TBCK: variants seen among roughly 807,000 people sequenced by gnomAD.
TBCK encodes TBC1 domain containing kinase, also known as TBC domain-containing protein kinase-like protein.
TBCK carries 99 observed loss-of-function variants against 113.4 expected under a neutral mutation model. That is an observed-to-expected ratio of 0.87 (90% CI 0.74 to 1.03). The LOEUF is 1.03. Ranked by LOEUF, TBCK falls within the 50% of genes least tolerant of loss-of-function variation. The pLI, the probability that TBCK is intolerant of heterozygous loss-of-function variation, is 0.00. For synonymous variants in TBCK, 369 were observed against 370.8 expected (o/e 1.00, Z 0.05); for missense variants, 1,045 against 1,061.3 (o/e 0.98, Z 0.21).
chr4:106,046,714 T>C, intron 25 of TBCK, 34 bp from the exon 26 acceptor site: 1 of 1,136,956 alleles, frequency 8.8e-7, no homozygotes, highest in Non-Finnish European at 1.3e-6. Context: ...TTTTAGAGGA[T>C]ATACAGAAGA....
chr4:106,208,460 A>T (rs1168045480), intron 20 of TBCK, among the ~76,000 whole-genome samples: 1 of 149,058 alleles, frequency 6.7e-6, no homozygotes, highest in Non-Finnish European at 1.5e-5. Context: ...CAATTAGCAC[A>T]TACACTCCCA....
At chr4:106,241,139 C>CATACTTACATATATATATATATTCTAT (rs1760072558) in intron 12 of TBCK, among the ~76,000 whole-genome samples, 3 of 151,672 alleles carry the variant, frequency 2.0e-5, no homozygotes, top group Non-Finnish European at 4.4e-5. Context: ...AAATCATACT[C>CATACTTACATATATATATATATTCTAT]ATACTTACAT....
At chr4:106,220,633 G>GT (rs1480385477) in intron 19 of TBCK, among the ~76,000 whole-genome samples, 1 of 151,844 alleles carries the variant, frequency 6.6e-6, no homozygotes, top group Non-Finnish European at 1.5e-5. Flanking sequence ...AGATACTCAA[G>GT]TAATACTTTT....
At chr4:106,298,541 C>T (rs1308991776) in intron 2 of TBCK, among the ~76,000 whole-genome samples, 1 of 151,902 alleles carries the variant, frequency 6.6e-6, no homozygotes, top group Non-Finnish European at 1.5e-5. Flanking sequence ...ACCCGGGAGG[C>T]AGAGCTTGTA....
intron 19 of TBCK, among the ~76,000 whole-genome samples, chr4:106,224,245 G>T (rs963235871): frequency 1.3e-5 from 2 of 151,574 alleles, no homozygotes; most frequent in African/African-American, 4.8e-5. Context: ...TCTCATGAGT[G>T]TATATATATT....
intron 19 of TBCK, among the ~76,000 whole-genome samples, chr4:106,226,928 A>G (rs997008701): frequency 2.6e-5 from 4 of 152,112 alleles, no homozygotes; most frequent in African/African-American, 9.7e-5. Flanking sequence ...TTACTTCATA[A>G]ATTTTGAAGA....
chr4:106,157,676 G>A (rs1433479019), intron 23 of TBCK, among the ~76,000 whole-genome samples: 1 of 152,140 alleles, frequency 6.6e-6, no homozygotes, highest in Non-Finnish European at 1.5e-5. Context: ...GGGTGGGCAA[G>A]GGGTGGTATT....
In TBCK at chr4:106,230,429, T is replaced by G; in HGVS notation, c.1708A>C (p.Met570Leu). The G allele has an allele frequency of 6.2e-7, 1 of 1,602,716 alleles. No homozygotes were observed. Among genetic ancestry groups the G allele is most frequent in the Non-Finnish European group, 8.5e-7 (1 of 1,172,352 alleles). The stretch of plus-strand genomic sequence containing the variant: ...AGGTATTTGGGAATAAAAGCAGACA[T>G]ACATGCATAAGCCAAGGCTAAAAGA... Reference protein sequence around the residue: ...FNNEALAYACMSAFIPKYLYN... With the variant: ...FNNEALAYACLSAFIPKYLYN... The change falls in exon 19 of 26, where the codon ATG becomes CTG. Residue 570 changes from methionine (M) to leucine (L), a missense_variant. Physicochemically the swap from Met to Leu is conservative, Grantham distance 15. Transcript: ENST00000394708.
At chr4:106,278,897 AAAGAT>A (rs1336343831) in intron 3 of TBCK, among the ~76,000 whole-genome samples, 1 of 152,008 alleles carries the variant, frequency 6.6e-6, no homozygotes, top group Non-Finnish European at 1.5e-5. Flanking sequence ...GCTAAGAAGA[AAAGAT>A]AAAAGACAAA....
intron 23 of TBCK, among the ~76,000 whole-genome samples, chr4:106,117,113 A>G (rs551038596): frequency 4.5e-4 from 68 of 152,200 alleles, no homozygotes; most frequent in Admixed American, 2.7e-3. Context: ...CACTTATAGG[A>G]AAGCATTATT....
chr4:106,157,503 C>A (rs1749266041), intron 23 of TBCK, among the ~76,000 whole-genome samples: 1 of 152,122 alleles, frequency 6.6e-6, no homozygotes, highest in Non-Finnish European at 1.5e-5. Context: ...ATAAGGCTTG[C>A]CAGAACTGAA....
At chr4:106,241,438 T>C (rs1579364192) in intron 12 of TBCK, among the ~76,000 whole-genome samples, 1 of 152,044 alleles carries the variant, frequency 6.6e-6, no homozygotes, top group South Asian at 2.1e-4. Flanking sequence ...AAAGAGTTCC[T>C]ACTCCATTTT....
intron 22 of TBCK, among the ~76,000 whole-genome samples, chr4:106,172,790 T>C (rs1272253750): frequency 6.6e-6 from 1 of 152,114 alleles, no homozygotes; most frequent in Non-Finnish European, 1.5e-5. Flanking sequence ...ACAGGTATTG[T>C]ATACTTTCAC....
At chr4:106,166,147 TCTG>T (rs1750346633) in intron 23 of TBCK, among the ~76,000 whole-genome samples, 1 of 151,748 alleles carries the variant, frequency 6.6e-6, no homozygotes, top group Non-Finnish European at 1.5e-5. Context: ...TATTTTTGTA[TCTG>T]CTTTCTATTA....
At chr4:106,068,743 G>A (rs1284831595) in intron 25 of TBCK, among the ~76,000 whole-genome samples, 1 of 152,114 alleles carries the variant, frequency 6.6e-6, no homozygotes, top group East Asian at 1.9e-4. Context: ...CACAATGGTT[G>A]AACTAGTTTA....
intron 23 of TBCK, among the ~76,000 whole-genome samples, chr4:106,167,094 G>A (rs185856304): frequency 6.7e-6 from 1 of 148,178 alleles, no homozygotes; most frequent in Non-Finnish European, 1.5e-5. Context: ...ATAGGGGTGT[G>A]TGTGTGTGTA....
At chr4:106,218,012 A>T (rs1001746947) in intron 19 of TBCK, among the ~76,000 whole-genome samples, 5 of 144,692 alleles carry the variant, frequency 3.5e-5, no homozygotes, top group African/African-American at 1.3e-4. Context: ...TACTGGTACC[A>T]AAACAGAGAT....
At chr4:106,156,984 G>C (rs1268393709) in intron 23 of TBCK, among the ~76,000 whole-genome samples, 4 of 152,160 alleles carry the variant, frequency 2.6e-5, no homozygotes, top group Non-Finnish European at 5.9e-5. Flanking sequence ...CCTGAAGCCA[G>C]CAAGTCTCAG....
chr4:106,167,210 AT>A (rs1011830778), intron 23 of TBCK, among the ~76,000 whole-genome samples: 2 of 147,418 alleles, frequency 1.4e-5, no homozygotes, highest in Admixed American at 6.8e-5. Context: ...GTATATATAT[AT>A]ATTTATATAT....
Sources: allele counts gnomAD v4.1 joint callset (sites outside exome capture counted in the v4.1 genomes callset), GRCh38; gene constraint gnomAD v4.1.1; transcripts MANE v1.5; gene names NCBI Gene and HGNC (gene_info 2026-07-23, HGNC 2026-07-21).